Variants in SNX30 observed in about 807,000 individuals in gnomAD.
SNX30 encodes sorting nexin-30.
In SNX30, 24 loss-of-function variants were observed where a neutral mutation model predicts 46.4. The ratio of observed to expected loss-of-function variants is 0.52; its 90% CI spans 0.37 to 0.73. The LOEUF (loss-of-function observed/expected upper bound fraction) is 0.73, where lower values mean the gene tolerates loss of function less well. SNX30 is among the 30% of genes least tolerant of loss of function. The pLI is 0.00. For missense variants in SNX30, 533 were observed against 555.7 expected, an observed-to-expected ratio of 0.96 and a Z score of 0.41; for synonymous variants, 189 against 211.5, an observed-to-expected ratio of 0.89 and a Z score of 0.92.
chr9:112,820,738 A>G (rs1175974284), intron 3 of SNX30, among the ~76,000 whole-genome samples: 4 of 152,158 alleles, frequency 2.6e-5, no homozygotes, highest in African/African-American at 9.7e-5. Context: ...TGTACTTTCT[A>G]CAGATTTGCC....
intron 3 of SNX30, among the ~76,000 whole-genome samples, chr9:112,823,743 A>G (rs1467613557): frequency 6.6e-6 from 1 of 152,218 alleles, no homozygotes; most frequent in Non-Finnish European, 1.5e-5. Context: ...ATATGAAATA[A>G]TAAAAACTCC....
intron 7 of SNX30, among the ~76,000 whole-genome samples, chr9:112,862,417 T>G (rs1051384236): frequency 2.0e-5 from 3 of 152,180 alleles, no homozygotes; most frequent in African/African-American, 2.4e-5. Flanking sequence ...CCTGTGCCTG[T>G]GGGGAGGTGA....
intron 1 of SNX30, among the ~76,000 whole-genome samples, chr9:112,756,617 C>T (rs1425310910): frequency 4.6e-5 from 7 of 151,980 alleles, no homozygotes; most frequent in East Asian, 1.9e-4. Context: ...CCCACCACCA[C>T]GCCCAGCTAA....
chr9:112,848,091 A>G (rs1275400732), intron 6 of SNX30, among the ~76,000 whole-genome samples: 1 of 151,768 alleles, frequency 6.6e-6, no homozygotes, highest in Non-Finnish European at 1.5e-5. Context: ...GGCGCGAGGC[A>G]TGAGGAGAAA....
At chr9:112,879,662 A>T, downstream of SNX30, 1 of 1,100,212 alleles carries the variant, frequency 9.1e-7, no homozygotes, top group Non-Finnish European at 1.4e-6. Flanking sequence ...CAGGTTTCTT[A>T]AGCAGTGGGT....
chr9:112,868,993 C>G lies in SNX30; in HGVS notation c.*150C>G, dbSNP rs1197667128. On this transcript the variant is annotated 3_prime_UTR_variant, in exon 9 of 9. Coordinates refer to ENST00000374232, the MANE Select transcript of SNX30 (RefSeq NM_001012994.2). The stretch of plus-strand genomic sequence containing the variant: ...ATTTTTCCCTCCCCCACCTTTCACC[C>G]CACAGTGGTTTTCAATTAGTATTTA... 5.4e-6 allele frequency: 4 copies of G among 738,964 alleles called. No individual in the cohort carries two copies. The highest frequency in any genetic ancestry group is 9.2e-6 in the Non-Finnish European group (4 of 432,704). 45.8% of individuals were successfully genotyped at this position (738,964 alleles called of 1,614,324 possible).
chr9:112,825,203 C>T (rs1036720011), intron 3 of SNX30, among the ~76,000 whole-genome samples: 13 of 152,216 alleles, frequency 8.5e-5, no homozygotes, highest in Non-Finnish European at 1.3e-4. Context: ...TATATCTGCA[C>T]TAGAAATGTA....
At chr9:112,793,797 G>GTTT (rs200559435) in intron 1 of SNX30, among the ~76,000 whole-genome samples, 26 of 137,144 alleles carry the variant, frequency 1.9e-4, no homozygotes, top group Middle Eastern at 3.8e-3. Context: ...TACCTCCACT[G>GTTT]TTTTTTGTTT....
chr9:112,826,141 A>C (rs1840576373), intron 3 of SNX30, among the ~76,000 whole-genome samples: 1 of 152,214 alleles, frequency 6.6e-6, no homozygotes. Flanking sequence ...CTTATTCAGC[A>C]GAAGCAAATG....
rs1411649224 is a variant in SNX30, at chr9:112,869,769, A to G, written c.*926A>G. 1 of 152,060 alleles carries G rather than the reference A, an allele frequency of 6.6e-6. No homozygotes were observed. The highest frequency in any genetic ancestry group is 1.5e-5 in the Non-Finnish European group (1 of 68,006). 9.4% of individuals were successfully genotyped at this position (152,060 alleles called of 1,614,324 possible). On this transcript the variant is annotated 3_prime_UTR_variant, in exon 9 of 9. Transcript: ENST00000374232. ...TGGGCATATACCAAGCTCCACCCCC[A>G]GTGTCAGCTTTGTGCAATTTGCCTT...
At chr9:112,831,249 G>A (rs182332768) in intron 4 of SNX30, among the ~76,000 whole-genome samples, 1 of 151,776 alleles carries the variant, frequency 6.6e-6, no homozygotes, top group Non-Finnish European at 1.5e-5. Context: ...GGGTGCCTGT[G>A]TCCATTAGCA....
In SNX30 at chr9:112,838,539, A is replaced by G; in HGVS notation, c.856A>G (p.Thr286Ala). The G allele has an allele frequency of 1.9e-6, 3 of 1,614,192 alleles. No individual in the cohort carries two copies. The highest frequency in any genetic ancestry group is 2.5e-6 in the Non-Finnish European group (3 of 1,180,020). Residue 286 changes from threonine to alanine, a missense_variant, in exon 6 of 9, where the codon ACA becomes GCA. Thr to Ala is a moderately conservative substitution (Grantham distance 58). Around this residue, in one of 3 missense-constraint regions of SNX30, gnomAD observed 261 missense variants for 270.9 expected, o/e 0.96. Coordinates refer to ENST00000374232, the MANE Select transcript of SNX30 (RefSeq NM_001012994.2). ...GAGAGAATACGGGCCTGTGTACTCC[A>G]CATGGAGCGCCTTGGAGGGTGAGCT... ...ELREYGPVYS[T>A]WSALEGELAE...
intron 1 of SNX30, among the ~76,000 whole-genome samples, chr9:112,784,504 GT>G (rs1839890514): frequency 6.6e-6 from 1 of 152,090 alleles, no homozygotes; most frequent in Non-Finnish European, 1.5e-5. Flanking sequence ...AGGATGACTG[GT>G]CCCCTGCCCG....
intron 8 of SNX30, 73 bp downstream of exon 8, chr9:112,864,472 A>G (rs1841287457): frequency 6.3e-7 from 1 of 1,581,314 alleles, no homozygotes; most frequent in African/African-American, 1.3e-5. Context: ...GAAATCCACA[A>G]GCTGGGAATC....
At chr9:112,812,653 T>C (rs1324803838) in intron 2 of SNX30, among the ~76,000 whole-genome samples, 1 of 152,228 alleles carries the variant, frequency 6.6e-6, no homozygotes, top group Non-Finnish European at 1.5e-5. Context: ...TTAAAGGAGC[T>C]TTTAAAAAAT....
intron 6 of SNX30, among the ~76,000 whole-genome samples, chr9:112,846,144 A>C (rs988435998): frequency 5.3e-5 from 8 of 152,228 alleles, no homozygotes; most frequent in Admixed American, 2.0e-4. Flanking sequence ...AATTGGAGAA[A>C]AAAATATGAA....
chr9:112,787,047 TG>T (rs1488847105), intron 1 of SNX30, among the ~76,000 whole-genome samples: 1 of 152,176 alleles, frequency 6.6e-6, no homozygotes, highest in African/African-American at 2.4e-5. Context: ...GAATTCGATC[TG>T]GGGCAGCCAG....
intron 1 of SNX30, among the ~76,000 whole-genome samples, chr9:112,789,500 G>T (rs1839986243): frequency 6.6e-6 from 1 of 152,176 alleles, no homozygotes; most frequent in Admixed American, 6.6e-5. Context: ...AAACACAGAT[G>T]CTATATTCTG....
intron 8 of SNX30, among the ~76,000 whole-genome samples, chr9:112,868,006 T>TGGGATG (rs1841388277): frequency 6.6e-6 from 1 of 152,218 alleles, no homozygotes; most frequent in African/African-American, 2.4e-5. Flanking sequence ...CACAAGGATC[T>TGGGATG]GGGATGAAAA....
Sources: gnomAD v4.1 joint callset for allele counts (sites outside exome capture counted in the v4.1 genomes callset) on GRCh38, gnomAD v4.1.1 for gene constraint, gnomAD v4.1.1 regional missense constraint, MANE v1.5 for transcripts, NCBI Gene and HGNC (gene_info 2026-07-23, HGNC 2026-07-21) for gene names.